The following CAMK1D variants were observed in gnomAD, a reference collection of about 807,000 sequenced individuals.
The protein encoded by CAMK1D is calcium/calmodulin dependent protein kinase ID.
CAMK1D carries 9 observed loss-of-function variants against 47.7 expected under a neutral mutation model. The observed-to-expected ratio is 0.19, with a 90% CI of 0.11 to 0.33. The LOEUF (loss-of-function observed/expected upper bound fraction) is 0.33. Ranked by LOEUF, CAMK1D falls within the 10% of genes least tolerant of loss-of-function variation. The pLI, the probability that CAMK1D is intolerant of heterozygous loss-of-function variation, is 1.00. For synonymous variants in CAMK1D, 184 were observed against 184.9 expected (o/e 0.99, Z 0.04); for missense variants, 291 against 488.7 (o/e 0.60, Z 3.81).
chr10:12,634,454 C>G (rs1839459313), intron 2 of CAMK1D, among the ~76,000 whole-genome samples: 1 of 152,158 alleles, frequency 6.6e-6, no homozygotes, highest in African/African-American at 2.4e-5. Flanking sequence ...GTTGTCCCAC[C>G]CATTGTCCCG....
intron 1 of CAMK1D, among the ~76,000 whole-genome samples, chr10:12,397,148 A>G (rs771546632): frequency 2.6e-4 from 40 of 152,176 alleles, no homozygotes; most frequent in Admixed American, 3.9e-4. Flanking sequence ...GGATTTTTCT[A>G]TGAGCTTTGG....
intron 1 of CAMK1D, among the ~76,000 whole-genome samples, chr10:12,474,592 TTTG>T (rs1833848182): frequency 6.6e-6 from 1 of 152,154 alleles, no homozygotes; most frequent in South Asian, 2.1e-4. Context: ...TATTATTATT[TTTG>T]TTGTTTTAAC....
chr10:12,628,944 G>A (rs1279204035), intron 2 of CAMK1D, among the ~76,000 whole-genome samples: 1 of 152,170 alleles, frequency 6.6e-6, no homozygotes, highest in Non-Finnish European at 1.5e-5. Context: ...TGGCTTGATA[G>A]CTTATTTCTT....
chr10:12,801,222 TATCCATCCATCCATCCATCC>T lies in CAMK1D; in HGVS notation c.641+10009_641+10028del, dbSNP rs55994840. Among the ~76,000 whole-genome samples, 23 of 149,360 alleles carry T rather than the reference TATCCATCCATCCATCCATCC, an allele frequency of 1.5e-4. 1 individual carries two copies. The highest frequency in any genetic ancestry group is 2.7e-4 in the Admixed American group (4 of 15,008). On this transcript the variant is annotated intron_variant, in intron 6 of 10. Transcript: ENST00000619168. ...GAACTTTCAGATGTTACATCTCTAG[TATCCATCCATCCATCCATCC>T]ATCCATCCATCCATCCATCTGTCCG...
chr10:12,767,864 G>A (rs1310234001), intron 4 of CAMK1D, among the ~76,000 whole-genome samples: 1 of 152,120 alleles, frequency 6.6e-6, no homozygotes, highest in Non-Finnish European at 1.5e-5. Flanking sequence ...GGAGGACTTT[G>A]AGTTAGTTAG....
In CAMK1D at chr10:12,586,774, C is replaced by T. The variant is rs116803026; in HGVS notation, c.224+33418C>T. Among the ~76,000 whole-genome samples, 266 of 152,224 alleles carry T rather than the reference C, an allele frequency of 1.7e-3. 1 individual carries two copies. Among genetic ancestry groups the T allele is most frequent in the African/African-American group, 5.8e-3 (243 of 41,544 alleles). On this transcript the variant is annotated intron_variant, in intron 2 of 10. Transcript: ENST00000619168. ...AAAAAACTTAAAATCATAAAAAATA[C>T]GGGATGGATGTAATCTCATAAAAAA...
At chr10:12,425,341 G>T (rs1212856711) in intron 1 of CAMK1D, among the ~76,000 whole-genome samples, 1 of 149,846 alleles carries the variant, frequency 6.7e-6, no homozygotes, top group Non-Finnish European at 1.5e-5. Flanking sequence ...GGGTGCAATG[G>T]TGCAGTCTCG....
intron 2 of CAMK1D, among the ~76,000 whole-genome samples, chr10:12,635,999 A>C (rs1839503262): frequency 6.6e-6 from 1 of 152,204 alleles, no homozygotes; most frequent in African/African-American, 2.4e-5. Flanking sequence ...AGACATTTTA[A>C]ACACTTTCCA....
chr10:12,525,579 T>G (rs1835595113), intron 1 of CAMK1D, among the ~76,000 whole-genome samples: 1 of 152,182 alleles, frequency 6.6e-6, no homozygotes, highest in African/African-American at 2.4e-5. Context: ...TTTCCAAAAT[T>G]TTTACTTCTA....
At chr10:12,630,530 C>A (rs1839349573) in intron 2 of CAMK1D, among the ~76,000 whole-genome samples, 1 of 152,092 alleles carries the variant, frequency 6.6e-6, no homozygotes, top group African/African-American at 2.4e-5. Context: ...GCACTCACCA[C>A]TCCACCTAGC....
intron 2 of CAMK1D, among the ~76,000 whole-genome samples, chr10:12,660,826 A>G (rs1240578535): frequency 6.6e-6 from 1 of 152,244 alleles, no homozygotes; most frequent in Non-Finnish European, 1.5e-5. Context: ...TGAATTACGC[A>G]CATTTCAGGA....
At chr10:12,770,483 C>T (rs1338398814) in intron 5 of CAMK1D, among the ~76,000 whole-genome samples, 1 of 152,202 alleles carries the variant, frequency 6.6e-6, no homozygotes, top group Non-Finnish European at 1.5e-5. Context: ...TTCATGCATT[C>T]CTTCATTCAT....
intron 2 of CAMK1D, among the ~76,000 whole-genome samples, chr10:12,557,864 T>G (rs1310987717): frequency 6.6e-6 from 1 of 152,208 alleles, no homozygotes; most frequent in Non-Finnish European, 1.5e-5. Context: ...GAGTTTATTG[T>G]AGGCTGAGAA....
chr10:12,693,676 C>T (rs1227852474), intron 3 of CAMK1D, among the ~76,000 whole-genome samples: 4 of 151,158 alleles, frequency 2.6e-5, no homozygotes, highest in East Asian at 3.9e-4. Context: ...CTACCTGGCC[C>T]GCTCTGTTGA....
chr10:12,540,838 C>T (rs1055250430), intron 1 of CAMK1D, among the ~76,000 whole-genome samples: 3 of 151,522 alleles, frequency 2.0e-5, no homozygotes, highest in Non-Finnish European at 2.9e-5. Flanking sequence ...TCCTAAGCAT[C>T]TACCTACTAA....
At chr10:12,412,831 T>G (rs1253980180) in intron 1 of CAMK1D, among the ~76,000 whole-genome samples, 1 of 152,118 alleles carries the variant, frequency 6.6e-6, no homozygotes, top group Non-Finnish European at 1.5e-5. Context: ...TTCCCTCTGC[T>G]TCTCTCAGAT....
chr10:12,816,110 C>T, intron 7 of CAMK1D, 140 bp from the exon 8 acceptor site: 1 of 602,740 alleles, frequency 1.7e-6, no homozygotes, highest in Non-Finnish European at 2.9e-6. Context: ...GCCTTTGTGT[C>T]CAAGGTACAG....
chr10:12,810,841 C>A (rs1257334626), intron 6 of CAMK1D, among the ~76,000 whole-genome samples: 1 of 152,230 alleles, frequency 6.6e-6, no homozygotes, highest in Non-Finnish European at 1.5e-5. Flanking sequence ...ATGTTGGTTT[C>A]TTTGCCTTTA....
intron 3 of CAMK1D, chr10:12,667,041 A>T (rs1840456147): frequency 2.2e-6 from 1 of 449,998 alleles, no homozygotes; most frequent in Non-Finnish European, 3.9e-6. Flanking sequence ...CTGATAACCT[A>T]GAGCTCAGCA....
Sources: gnomAD v4.1 joint callset for allele counts (sites outside exome capture counted in the v4.1 genomes callset) on GRCh38, gnomAD v4.1.1 for gene constraint, MANE v1.5 for transcripts, NCBI Gene and HGNC (gene_info 2026-07-23, HGNC 2026-07-21) for gene names.